Variants in TYW5 observed in about 807,000 individuals in gnomAD.
TYW5 encodes tRNA-yW synthesizing protein 5.
TYW5 carries 36 observed loss-of-function variants against 44.4 expected under a neutral mutation model. The observed-to-expected ratio is 0.81, with a 90% CI of 0.62 to 1.07. TYW5 has a LOEUF of 1.07. TYW5 is among the 50% of genes least tolerant of loss of function. The pLI, the probability that TYW5 is intolerant of heterozygous loss-of-function variation, is 0.00. For missense variants in TYW5, 354 were observed against 365.7 expected, an observed-to-expected ratio of 0.97 and a Z score of 0.26; for synonymous variants, 121 against 128.1, an observed-to-expected ratio of 0.94 and a Z score of 0.37.
intron 7 of TYW5, among the ~76,000 whole-genome samples, chr2:199,935,302 A>G (rs2077410019): frequency 6.6e-6 from 1 of 151,906 alleles, no homozygotes. Context: ...TATTATTTTT[A>G]TAGGTTGCCC....
rs1365632871 is a variant in TYW5, at chr2:199,930,198, A to G, written c.*2869T>C. The G allele has an allele frequency of 6.6e-6, 1 of 152,150 alleles. No individual in the cohort carries two copies. The highest frequency in any genetic ancestry group is 1.5e-5 in the Non-Finnish European group (1 of 68,078). The allele number at this position is 152,150 out of a possible 1,614,324, so 9.4% of individuals were successfully genotyped here. On this transcript the variant is annotated 3_prime_UTR_variant, in exon 8 of 8. Transcript: ENST00000354611. Reference sequence around the variant, plus strand: ...CGCCATGTTGCCCAGGCTGGTCTCGAACTCCTGAGTTCAGATGATCCACCC... The same window carrying G: ...CGCCATGTTGCCCAGGCTGGTCTCGGACTCCTGAGTTCAGATGATCCACCC...
chr2:199,933,511 T>TA (rs992159947), intron 7 of TYW5, among the ~76,000 whole-genome samples, 188 bp from the exon 8 acceptor site: 1 of 152,204 alleles, frequency 6.6e-6, no homozygotes, highest in Non-Finnish European at 1.5e-5. Flanking sequence ...CCAACAAATT[T>TA]AAAGTGTCAA....
In TYW5 at chr2:199,933,283, CACTCCAA is replaced by C. The variant is rs779053133; in HGVS notation, c.725_731del (p.Phe242TrpfsTer3). 2 of 1,613,742 alleles carry C rather than the reference CACTCCAA, an allele frequency of 1.2e-6. No individual in the cohort carries two copies. Among genetic ancestry groups the C allele is most frequent in the Non-Finnish European group, 1.7e-6 (2 of 1,179,808 alleles). On this transcript the variant is annotated frameshift_variant, in exon 8 of 8. Transcript: ENST00000354611. LOFTEE classifies it high-confidence loss of function. ...GGTGCTTCCAAAAGATATTCACTCC[CACTCCAA>C]ACTCTTCAGAAATTACATTATGGAA... is the stretch of plus-strand genomic sequence containing the variant.
intron 1 of TYW5, among the ~76,000 whole-genome samples, chr2:199,952,630 G>A (rs1012973917): frequency 2.6e-5 from 4 of 152,008 alleles, no homozygotes; most frequent in Non-Finnish European, 5.9e-5. Context: ...TTTCAAATTT[G>A]CTTACAGTGT....
chr2:199,938,853 A>G, intron 5 of TYW5, 80 bp downstream of exon 5: 2 of 1,413,838 alleles, frequency 1.4e-6, no homozygotes, highest in South Asian at 1.5e-5. Context: ...GGTAACCTAT[A>G]GGAAGTTGAA....
At position 199,931,449 on chromosome 2, in the gene TYW5, AC is replaced by A. The variant is rs1559298665; in HGVS notation, c.*1617del. 1 of 152,188 alleles carries A rather than the reference AC, an allele frequency of 6.6e-6. No homozygotes were observed. The highest frequency in any genetic ancestry group is 1.5e-5 in the Non-Finnish European group (1 of 68,024). The allele number at this position is 152,188 out of a possible 1,614,324, so 9.4% of individuals were successfully genotyped here. On this transcript the variant is annotated 3_prime_UTR_variant, in exon 8 of 8. Transcript: ENST00000354611. Reference sequence around the variant, plus strand: ...AGAAAAAAAACAAGATTTATTAAAAACTGACCATAAATAATGTGTAAACTAA... The same window carrying A: ...AGAAAAAAAACAAGATTTATTAAAAATGACCATAAATAATGTGTAAACTAA...
At chr2:199,953,486 T>C (rs1219008176) in intron 1 of TYW5, among the ~76,000 whole-genome samples, 1 of 152,216 alleles carries the variant, frequency 6.6e-6, no homozygotes, top group Non-Finnish European at 1.5e-5. Flanking sequence ...GCTGTGAACC[T>C]ATAAAGCCTC....
In TYW5 at chr2:199,936,482, T is replaced by C; in HGVS notation, c.497A>G (p.Asn166Ser). 6.2e-7 allele frequency: 1 copy of C among 1,612,966 alleles called. No homozygotes were observed. The highest frequency in any genetic ancestry group is 2.2e-5 in the East Asian group (1 of 44,760). The change falls in exon 6 of 8, where the codon AAT (asparagine) becomes AGT (serine). Residue 166 changes from asparagine to serine, a missense_variant. By Grantham distance (46) the Asn-to-Ser change is conservative. Coordinates refer to ENST00000354611, the MANE Select transcript of TYW5 (RefSeq NM_001039693.3). Reference protein sequence around the residue: ...QLWTHYDVMDNLLIQVTGKKR... With the variant: ...QLWTHYDVMDSLLIQVTGKKR... ...TTTTCCTGTCACTTGTATTAACAAA[T>C]TATCCATTACCTGAAGACCAATAAA...
chr2:199,954,798 C>A (rs1267565389), intron 1 of TYW5, among the ~76,000 whole-genome samples: 1 of 152,198 alleles, frequency 6.6e-6, no homozygotes, highest in Non-Finnish European at 1.5e-5. Flanking sequence ...ATTTTTCCTA[C>A]CATAAACTGA....
intron 1 of TYW5, among the ~76,000 whole-genome samples, chr2:199,948,936 G>GT (rs904232502): frequency 2.0e-5 from 3 of 152,048 alleles, no homozygotes; most frequent in African/African-American, 7.2e-5. Flanking sequence ...GCATAATTTT[G>GT]TTTTTTGGAA....
At chr2:199,948,622 A>G (rs1390534613) in intron 1 of TYW5, 150 bp from the exon 2 acceptor site, 1 of 706,858 alleles carries the variant, frequency 1.4e-6, no homozygotes, top group South Asian at 2.1e-5. Context: ...TCATGCTGTC[A>G]CTAAAACAAG....
intron 3 of TYW5, among the ~76,000 whole-genome samples, chr2:199,941,086 G>A (rs974198476): frequency 4.6e-5 from 7 of 152,098 alleles, no homozygotes; most frequent in Non-Finnish European, 1.0e-4. Flanking sequence ...TTGAGACAGG[G>A]ACTCATTCTG....
At chr2:199,950,619 T>C (rs535620496) in intron 1 of TYW5, among the ~76,000 whole-genome samples, 23 of 152,224 alleles carry the variant, frequency 1.5e-4, no homozygotes, top group Non-Finnish European at 2.2e-4. Context: ...ATGGTCCCAG[T>C]ATGAGTGAGT....
intron 7 of TYW5, among the ~76,000 whole-genome samples, chr2:199,934,600 T>C (rs1204151408): frequency 6.6e-6 from 1 of 152,062 alleles, no homozygotes; most frequent in African/African-American, 2.4e-5. Flanking sequence ...CATAGTTGTC[T>C]TCAAGGAATT....
chr2:199,940,579 C>A (rs2105698815), intron 3 of TYW5, among the ~76,000 whole-genome samples: 1 of 151,496 alleles, frequency 6.6e-6, no homozygotes, highest in African/African-American at 2.4e-5. Context: ...ACACTACACT[C>A]CAGCTTGGGT....
intron 7 of TYW5, among the ~76,000 whole-genome samples, 184 bp downstream of exon 7, chr2:199,935,747 C>T (rs2077413984): frequency 6.8e-6 from 1 of 147,032 alleles, no homozygotes; most frequent in Non-Finnish European, 1.5e-5. Flanking sequence ...CACACACACA[C>T]ACACACACAC....
intron 5 of TYW5, among the ~76,000 whole-genome samples, chr2:199,937,970 A>T (rs1261017106): frequency 6.6e-6 from 1 of 152,104 alleles, no homozygotes; most frequent in African/African-American, 2.4e-5. Flanking sequence ...CCAACACCAA[A>T]CCATATACCA....
At chr2:199,952,528 C>CGTAAA (rs1237161715) in intron 1 of TYW5, among the ~76,000 whole-genome samples, 9 of 152,168 alleles carry the variant, frequency 5.9e-5, no homozygotes, top group African/African-American at 2.2e-4. Context: ...CAGCCTTTTA[C>CGTAAA]CCCCTTTTGA....
rs755495041 is a variant in TYW5, at chr2:199,930,496, C to G, written c.*2571G>C. 6.6e-6 allele frequency: 1 copy of G among 152,108 alleles called. No individual in the cohort carries two copies. Among genetic ancestry groups the G allele is most frequent in the African/African-American group, 2.4e-5 (1 of 41,410 alleles). The allele number at this position is 152,108 out of a possible 1,614,324, so 9.4% of individuals were successfully genotyped here. ...TTAATTTTTCTATTTTTAGTAGAGA[C>G]GGGGTTTTACCATGTTGGCCAGAAT... On this transcript the variant is annotated 3_prime_UTR_variant, in exon 8 of 8. Transcript: ENST00000354611.
Sources: allele counts gnomAD v4.1 joint callset (sites outside exome capture counted in the v4.1 genomes callset), GRCh38; gene constraint gnomAD v4.1.1; transcripts MANE v1.5; gene names NCBI Gene and HGNC (gene_info 2026-07-23, HGNC 2026-07-21).